Variants in CMYA5 observed in about 807,000 individuals in gnomAD.
The protein encoded by CMYA5 is cardiomyopathy associated 5.
A neutral mutation model predicts 318.9 loss-of-function variants in CMYA5; 246 were observed. The observed-to-expected ratio is 0.77, with a 90% CI of 0.70 to 0.86. The LOEUF is 0.86. Among genes scored for constraint, CMYA5 ranks in the 40% least tolerant of loss-of-function variants. The probability of loss-of-function intolerance (pLI) is 0.00; values close to 1 mark genes in which losing one functional copy is unlikely to be tolerated. For missense variants in CMYA5, 4,589 were observed against 4,678.2 expected, an observed-to-expected ratio of 0.98 and a Z score of 0.56; for synonymous variants, 1,641 against 1,729.5, an observed-to-expected ratio of 0.95 and a Z score of 1.27.
At chr5:79,745,495 ACTCTGGCACATCTAC>A in intron 4 of CMYA5, 40 bp downstream of exon 4, 1 of 1,243,640 alleles carries the variant, frequency 8.0e-7, no homozygotes, top group Non-Finnish European at 1.2e-6. Flanking sequence ...CCTTGCGCCC[ACTCTGGCACATCTAC>A]TTTTAAAGCT....
Position 79,789,029 on chromosome 5 carries a change from T to C in CMYA5, c.11614T>C (p.Tyr3872His). 6.2e-7 allele frequency: 1 copy of C among 1,613,968 alleles called. No homozygotes were observed. The highest frequency in any genetic ancestry group is 8.5e-7 in the Non-Finnish European group (1 of 1,179,852). The change falls in exon 10 of 13, where the codon TAC becomes CAC. Residue 3872 changes from tyrosine to histidine, a missense_variant. Tyr to His is a moderately conservative substitution (Grantham distance 83). Around this residue, in one of 3 missense-constraint regions of CMYA5, gnomAD observed 2,431 missense variants for 2,495.1 expected, o/e 0.97. Coordinates refer to ENST00000446378, the MANE Select transcript of CMYA5 (RefSeq NM_153610.5). ...AGTTAACCTCCAACCCAATGATAAC[T>C]ACTTTTTCTATGTGAGGGCCATCAA... The part of the protein sequence containing the change: ...LKVNLQPNDN[Y>H]FFYVRAINAF...
At chr5:79,746,027 A>T (rs1312028695) in intron 4 of CMYA5, among the ~76,000 whole-genome samples, 2 of 152,202 alleles carry the variant, frequency 1.3e-5, no homozygotes, top group Non-Finnish European at 2.9e-5. Flanking sequence ...TAGACATGGA[A>T]ATTCCCTTGG....
intron 7 of CMYA5, 141 bp from the exon 8 acceptor site, chr5:79,761,670 C>T: frequency 1.3e-6 from 1 of 776,040 alleles, no homozygotes; most frequent in Admixed American, 3.0e-5. Context: ...TTCTAAGGAG[C>T]TGGTTTTCAC....
In CMYA5 at chr5:79,735,199, C is replaced by T. The variant is rs201575046; in HGVS notation, c.6434C>T (p.Ser2145Phe). Residue 2145 changes from serine to phenylalanine, a missense_variant, in exon 2 of 13, where the codon TCC becomes TTC. Physicochemically the swap from Ser to Phe is radical, Grantham distance 155. Coordinates refer to ENST00000446378, the MANE Select transcript of CMYA5 (RefSeq NM_153610.5). ...ISSIHAREPQSPESPEVTQNP... is the reference protein window; with the variant it reads ...ISSIHAREPQFPESPEVTQNP... ...TCAATCCATGCAAGAGAGCCTCAAT[C>T]CCCAGAGTCACCTGAGGTGACACAA... 165 of 1,613,646 alleles carry T rather than the reference C, an allele frequency of 1.0e-4. 1 individual carries two copies. Among genetic ancestry groups the T allele is most frequent in the Non-Finnish European group, 1.4e-4 (163 of 1,179,782 alleles).
chr5:79,798,732 G>A (rs1021428586), intron 12 of CMYA5, among the ~76,000 whole-genome samples: 6 of 152,144 alleles, frequency 3.9e-5, no homozygotes, highest in African/African-American at 9.7e-5. Context: ...ACATGGATAT[G>A]CACAAGGAAT....
intron 9 of CMYA5, among the ~76,000 whole-genome samples, chr5:79,785,385 G>A (rs1197853028): frequency 1.3e-5 from 2 of 151,920 alleles, no homozygotes; most frequent in Non-Finnish European, 2.9e-5. Flanking sequence ...ATTAACTTAG[G>A]GAGAATTGAA....
In CMYA5 at chr5:79,737,742, GAT is replaced by G. The variant is rs1329782954; in HGVS notation, c.8978_8979del (p.Asp2993GlyfsTer2). 1.9e-6 allele frequency: 3 copies of G among 1,611,812 alleles called. No individual in the cohort carries two copies. The Admixed American group carries it at 5.0e-5, about 27-fold the overall frequency. ...CTCATTTAAAACCATACCACTCCCT[GAT>G]GATAGTGAAACAGTTGCTTGTCATA... ...KASFKTIPLP[D>X]DSETVACHKT... On this transcript the variant is annotated frameshift_variant, in exon 2 of 13. Coordinates refer to ENST00000446378, the MANE Select transcript of CMYA5 (RefSeq NM_153610.5). LOFTEE classifies it high-confidence loss of function.
At chr5:79,774,919 C>G (rs1222168253) in intron 9 of CMYA5, among the ~76,000 whole-genome samples, 1 of 152,168 alleles carries the variant, frequency 6.6e-6, no homozygotes, top group Non-Finnish European at 1.5e-5. Context: ...TCTTCCTCAG[C>G]CTTCAGATGG....
chr5:79,748,260 G>C (rs888992017), intron 5 of CMYA5, among the ~76,000 whole-genome samples: 1 of 152,020 alleles, frequency 6.6e-6, no homozygotes, highest in Non-Finnish European at 1.5e-5. Flanking sequence ...GCACAGCCAG[G>C]GTTGAAAGTT....
chr5:79,731,707 C>G lies in CMYA5; in HGVS notation c.2942C>G (p.Pro981Arg). 1 of 1,613,930 alleles carries G rather than the reference C, an allele frequency of 6.2e-7. No homozygotes were observed. Among genetic ancestry groups the G allele is most frequent in the Non-Finnish European group, 8.5e-7 (1 of 1,179,874 alleles). ...GATTCTCCAATATGTTTAACATCAC[C>G]ATCTGAGCACACTATTTTGTCAGAT... is the stretch of plus-strand genomic sequence containing the variant. Reference protein sequence around the residue: ...ECDSPICLTSPSEHTILSDED... With the variant: ...ECDSPICLTSRSEHTILSDED... The change falls in exon 2 of 13, where the codon CCA becomes CGA. Residue 981 changes from proline to arginine, a missense_variant. Pro to Arg is a moderately radical substitution (Grantham distance 103). Coordinates refer to ENST00000446378, the MANE Select transcript of CMYA5 (RefSeq NM_153610.5).
In CMYA5 at chr5:79,730,974, G is replaced by A. The variant is rs774060708; in HGVS notation, c.2209G>A (p.Glu737Lys). 6.2e-7 allele frequency: 1 copy of A among 1,613,928 alleles called. No individual in the cohort carries two copies. The highest frequency in any genetic ancestry group is 8.5e-7 in the Non-Finnish European group (1 of 1,179,884). ...GTACATGATTCCATCAGAAGAGAAG[G>A]AAGACACTGGATCGTTTACTCCAGC... is the stretch of plus-strand genomic sequence containing the variant. ...SEYMIPSEEK[E>K]DTGSFTPAVA... The change falls in exon 2 of 13, where the codon GAA (glutamate) becomes AAA (lysine). Residue 737 changes from glutamate to lysine, a missense_variant. Physicochemically the swap from Glu to Lys is moderately conservative, Grantham distance 56. Coordinates refer to ENST00000446378, the MANE Select transcript of CMYA5 (RefSeq NM_153610.5).
rs200945698 is a variant in CMYA5, at chr5:79,735,362, A to G, written c.6597A>G (p.Gln2199=). 4.8e-5 allele frequency: 77 copies of G among 1,613,874 alleles called. 1 individual carries two copies. In the Middle Eastern group the frequency reaches 2.5e-3, roughly 52 times the overall value. The stretch of plus-strand genomic sequence containing the variant: ...CTCCAGATAACAAAGTTGCTGAACA[A>G]GAAGACTTAGAAACACAGCCAAGTC... ...SSTPDNKVAE[Q]EDLETQPSPS... is the part of the protein sequence containing the mutation. The change falls in exon 2 of 13, where the codon CAA becomes CAG. Residue 2199 remains glutamine, a synonymous_variant. Coordinates refer to ENST00000446378, the MANE Select transcript of CMYA5 (RefSeq NM_153610.5).
Position 79,733,918 on chromosome 5 carries a change from C to T in CMYA5, c.5153C>T (p.Pro1718Leu). The T allele has an allele frequency of 6.2e-7, 1 of 1,613,128 alleles. No individual in the cohort carries two copies. The highest frequency in any genetic ancestry group is 8.5e-7 in the Non-Finnish European group (1 of 1,179,756). ...AATGAAGAAATTAAACCTTTCTCTC[C>T]CAAGATCATCAGCCTAGAGTCGAAA... ...SQNEEIKPFS[P>L]KIISLESKEP... is the part of the protein sequence containing the mutation. The change falls in exon 2 of 13, where the codon CCC (proline) becomes CTC (leucine). Residue 1718 changes from proline to leucine, a missense_variant. Pro to Leu is a moderately conservative substitution (Grantham distance 98). Around this residue, in one of 3 missense-constraint regions of CMYA5, gnomAD observed 2,132 missense variants for 2,131.3 expected, o/e 1.00. Transcript: ENST00000446378.
At chr5:79,744,292 A>G (rs1217394320) in intron 3 of CMYA5, among the ~76,000 whole-genome samples, 2 of 152,190 alleles carry the variant, frequency 1.3e-5, no homozygotes, top group Non-Finnish European at 2.9e-5. Flanking sequence ...CCTCATTTTC[A>G]TGCCTCTCAC....
At chr5:79,796,529 T>G (rs1829278523) in intron 12 of CMYA5, among the ~76,000 whole-genome samples, 1 of 152,142 alleles carries the variant, frequency 6.6e-6, no homozygotes, top group African/African-American at 2.4e-5. Flanking sequence ...CCCCTCTAAG[T>G]AGCTAAGGCT....
chr5:79,755,011 C>T (rs1043758751), intron 6 of CMYA5, among the ~76,000 whole-genome samples: 1 of 152,178 alleles, frequency 6.6e-6, no homozygotes, highest in African/African-American at 2.4e-5. Flanking sequence ...TTTTCCTCCT[C>T]TTATCTATTC....
rs776959713 is a variant in CMYA5 at position 79,734,313 on chromosome 5, G to C, written c.5548G>C (p.Gly1850Arg). Residue 1850 changes from glycine to arginine, a missense_variant, in exon 2 of 13, where the codon GGT (glycine) becomes CGT (arginine). Around this residue, in one of 3 missense-constraint regions of CMYA5, gnomAD observed 2,132 missense variants for 2,131.3 expected, o/e 1.00. Coordinates refer to ENST00000446378, the MANE Select transcript of CMYA5 (RefSeq NM_153610.5). ...CTCTTCTGAAGATAAACAAGATCTG[G>C]GTATTAAGCAGTTTTCACTTATGAG... ...STSSEDKQDL[G>R]IKQFSLMREN... 10 of 1,613,576 alleles carry C rather than the reference G, an allele frequency of 6.2e-6. No homozygotes were observed. Among genetic ancestry groups the C allele is most frequent in the Non-Finnish European group, 8.5e-6 (10 of 1,179,778 alleles).
chr5:79,777,797 T>A (rs902839938), intron 9 of CMYA5, among the ~76,000 whole-genome samples: 10 of 73,456 alleles, frequency 1.4e-4, no homozygotes, highest in African/African-American at 8.1e-4. Flanking sequence ...TAAAAATAAA[T>A]TTTTTTTTAA....
Position 79,730,486 on chromosome 5 carries a change from A to G in CMYA5, c.1721A>G (p.His574Arg), listed in dbSNP as rs1827865716. The change falls in exon 2 of 13, where the codon CAT becomes CGT. Residue 574 changes from histidine to arginine, a missense_variant. Coordinates refer to ENST00000446378, the MANE Select transcript of CMYA5 (RefSeq NM_153610.5). ...TTATTGGCAGCATCATCTCCTGAAC[A>G]TGTTGCTTTGTCTGAGGAAGAAAGA... ...LPLLAASSPEHVALSEEEREE... is the reference protein window; with the variant it reads ...LPLLAASSPERVALSEEEREE... 1 of 1,613,894 alleles carries G rather than the reference A, an allele frequency of 6.2e-7. No homozygotes were observed. Among genetic ancestry groups the G allele is most frequent in the African/African-American group, 1.3e-5 (1 of 75,042 alleles).
Sources: allele counts gnomAD v4.1 joint callset (sites outside exome capture counted in the v4.1 genomes callset), GRCh38; gene constraint gnomAD v4.1.1; regional missense constraint gnomAD v4.1.1; transcripts MANE v1.5; gene names NCBI Gene and HGNC (gene_info 2026-07-23, HGNC 2026-07-21).